The following FUT8 variants were observed in gnomAD, a reference collection of about 807,000 sequenced individuals.
The protein encoded by FUT8 is alpha-(1,6)-fucosyltransferase.
In FUT8, 29 loss-of-function variants were observed where a neutral mutation model predicts 71.3. The ratio of observed to expected loss-of-function variants is 0.41; its 90% confidence interval spans 0.30 to 0.55. FUT8 has a LOEUF of 0.55. Ranked by LOEUF, FUT8 falls within the 20% of genes least tolerant of loss-of-function variation. FUT8 has a pLI of 0.34. For synonymous variants in FUT8, 254 were observed against 239.3 expected (o/e 1.06, Z -0.57); for missense variants, 544 against 702.1 (o/e 0.77, Z 2.55).
intron 7 of FUT8, among the ~76,000 whole-genome samples, chr14:65,692,573 C>T (rs1473390982): frequency 6.7e-6 from 1 of 148,446 alleles, no homozygotes; most frequent in African/African-American, 2.5e-5. Flanking sequence ...CCCCGCACCT[C>T]CCTCCCGGAC....
At position 65,527,542 on chromosome 14, in the gene FUT8, C is replaced by G. The variant is rs370871988; in HGVS notation, c.-227-33795C>G. 1.2e-4 allele frequency among the ~76,000 whole-genome samples: 19 copies of G among 152,288 alleles called. 3 individuals are homozygous for G. The highest frequency in any genetic ancestry group is 4.3e-4 in the African/African-American group (18 of 41,574). On this transcript the variant is annotated intron_variant, in intron 2 of 10. Coordinates refer to ENST00000673929, the MANE Select transcript of FUT8 (RefSeq NM_001371533.1). ...CTTTAGCTTGGAGAAGTTTGATCGT[C>G]TGAAGCCTCTTATCTCAACTCATCA...
intron 7 of FUT8, among the ~76,000 whole-genome samples, chr14:65,719,540 A>G (rs1334598939): frequency 1.3e-5 from 2 of 152,054 alleles, no homozygotes; most frequent in Non-Finnish European, 2.9e-5. Flanking sequence ...CTGGGCATTG[A>G]AGGTATTTAT....
intron 6 of FUT8, among the ~76,000 whole-genome samples, chr14:65,656,814 G>A (rs1891705825): frequency 6.6e-6 from 1 of 152,120 alleles, no homozygotes; most frequent in Admixed American, 6.6e-5. Context: ...ATAGACCATA[G>A]ACCAATGGAA....
chr14:65,527,674 G>GTGGTTTTATCTACCTTTGGTCTTTGATGA (rs1883591326), intron 2 of FUT8, among the ~76,000 whole-genome samples: 1 of 152,012 alleles, frequency 6.6e-6, no homozygotes, highest in African/African-American at 2.4e-5. Flanking sequence ...CCCCATCTTT[G>GTGGTTTTATCTACCTTTGGTCTTTGATGA]TGGTTTTATC....
chr14:65,697,694 A>G (rs965240012), intron 7 of FUT8, among the ~76,000 whole-genome samples: 5 of 152,260 alleles, frequency 3.3e-5, no homozygotes, highest in African/African-American at 9.6e-5. Flanking sequence ...CTGTAATCCC[A>G]GCACTTTGGG....
chr14:65,594,752 T>C (rs1427331331), intron 3 of FUT8, among the ~76,000 whole-genome samples: 1 of 152,092 alleles, frequency 6.6e-6, no homozygotes, highest in Non-Finnish European at 1.5e-5. Flanking sequence ...TCAAGCCACC[T>C]CTCTGCCTCT....
intron 2 of FUT8, among the ~76,000 whole-genome samples, chr14:65,502,802 C>A (rs536247272): frequency 8.5e-5 from 13 of 152,294 alleles, no homozygotes; most frequent in African/African-American, 2.6e-4. Context: ...TGCAGAGCTT[C>A]TTCAATTTTA....
At chr14:65,625,232 G>A (rs146652388) in intron 5 of FUT8, among the ~76,000 whole-genome samples, 3 of 152,202 alleles carry the variant, frequency 2.0e-5, no homozygotes, top group Non-Finnish European at 4.4e-5. Flanking sequence ...TGATGGGAAA[G>A]AGGCTTATGA....
the FUT8 span, among the ~76,000 whole-genome samples, chr14:65,402,332 C>G: frequency 6.7e-6 from 1 of 149,918 alleles, no homozygotes; most frequent in East Asian, 2.0e-4. Flanking sequence ...TACAAAGTAG[C>G]TAGGACCACA....
At chr14:65,575,163 A>G (rs1886687747) in intron 3 of FUT8, among the ~76,000 whole-genome samples, 1 of 151,914 alleles carries the variant, frequency 6.6e-6, no homozygotes, top group Non-Finnish European at 1.5e-5. Context: ...CCAAGGGTAT[A>G]AATTTGCAAG....
At chr14:65,520,657 AC>A (rs1883020111) in intron 2 of FUT8, among the ~76,000 whole-genome samples, 1 of 152,016 alleles carries the variant, frequency 6.6e-6, no homozygotes, top group Non-Finnish European at 1.5e-5. Context: ...TAGTGTAGTT[AC>A]TGGAGTTTCA....
intron 3 of FUT8, among the ~76,000 whole-genome samples, chr14:65,582,851 C>T (rs1203284548): frequency 6.6e-6 from 1 of 152,154 alleles, no homozygotes; most frequent in Admixed American, 6.5e-5. Context: ...ATTTGGGGAA[C>T]ATTGTACCTG....
At chr14:65,731,155 T>G (rs1028876610) in intron 9 of FUT8, among the ~76,000 whole-genome samples, 2 of 152,208 alleles carry the variant, frequency 1.3e-5, no homozygotes, top group African/African-American at 4.8e-5. Context: ...AGTCAAAATA[T>G]AATGTGTGGC....
Position 65,573,779 on chromosome 14 carries a change from A to G in FUT8, c.203+12013A>G, listed in dbSNP as rs1886613403. On this transcript the variant is annotated intron_variant, in intron 3 of 10. Coordinates refer to ENST00000673929, the MANE Select transcript of FUT8 (RefSeq NM_001371533.1). The stretch of plus-strand genomic sequence containing the variant: ...GGGCGTCAGGTTTAGTGATTCATTC[A>G]TTTATTCTTTTAATTATTTATTTTA... Among the ~76,000 whole-genome samples, 7 of 151,568 alleles carry G rather than the reference A, an allele frequency of 4.6e-5. No homozygotes were observed. The South Asian group carries it at 1.2e-3, about 27-fold the overall frequency.
chr14:65,663,937 A>C (rs1178469745), intron 6 of FUT8, among the ~76,000 whole-genome samples: 1 of 152,114 alleles, frequency 6.6e-6, no homozygotes, highest in Non-Finnish European at 1.5e-5. Flanking sequence ...CAGATGTTTC[A>C]ATTATTATGT....
intron 2 of FUT8, among the ~76,000 whole-genome samples, chr14:65,533,112 G>A (rs1159397567): frequency 6.6e-6 from 1 of 152,086 alleles, no homozygotes; most frequent in Admixed American, 6.6e-5. Flanking sequence ...TGTTCTTTTT[G>A]CTTAGGATTA....
chr14:65,695,356 C>T (rs1893939097), intron 7 of FUT8, among the ~76,000 whole-genome samples: 1 of 152,150 alleles, frequency 6.6e-6, no homozygotes, highest in African/African-American at 2.4e-5. Flanking sequence ...GTGCATTATA[C>T]ATATTAGGTA....
chr14:65,617,899 A>G (rs1018699071), intron 5 of FUT8, among the ~76,000 whole-genome samples: 2 of 151,752 alleles, frequency 1.3e-5, no homozygotes, highest in African/African-American at 4.8e-5. Flanking sequence ...AGCAGAGATC[A>G]TGCCACTGTA....
At chr14:65,465,953 G>A (rs1175297074) in intron 2 of FUT8, among the ~76,000 whole-genome samples, 1 of 152,094 alleles carries the variant, frequency 6.6e-6, no homozygotes, top group Admixed American at 6.5e-5. Flanking sequence ...ACACTCTGTA[G>A]TTAGGTACAT....
Sources: allele counts gnomAD v4.1 joint callset (sites outside exome capture counted in the v4.1 genomes callset), GRCh38; gene constraint gnomAD v4.1.1; transcripts MANE v1.5; gene names NCBI Gene and HGNC (gene_info 2026-07-23, HGNC 2026-07-21).